The following CSMD3 variants were observed in gnomAD, a reference collection of about 807,000 sequenced individuals.
CSMD3 encodes the protein CUB and sushi domain-containing protein 3.
CSMD3 carries 177 observed loss-of-function variants against 435.2 expected under a neutral mutation model. The observed-to-expected ratio is 0.41, with a 90% CI of 0.36 to 0.46. The LOEUF (loss-of-function observed/expected upper bound fraction) is 0.46. CSMD3 is among the 20% of genes least tolerant of loss of function. The pLI is 0.34. For synonymous variants in CSMD3, 1,656 were observed against 1,520.5 expected, an observed-to-expected ratio of 1.09 and a Z score of -2.07; for missense variants, 4,265 against 4,504.6, an observed-to-expected ratio of 0.95 and a Z score of 1.52.
intron 61 of CSMD3, among the ~76,000 whole-genome samples, chr8:112,262,862 G>C (rs1816557392): frequency 6.6e-6 from 1 of 152,068 alleles, no homozygotes; most frequent in Admixed American, 6.6e-5. Flanking sequence ...TGAATGAGGT[G>C]AGAAAACCCT....
intron 22 of CSMD3, among the ~76,000 whole-genome samples, chr8:112,599,943 G>C (rs374663968): frequency 6.7e-6 from 1 of 148,590 alleles, no homozygotes; most frequent in African/African-American, 2.5e-5. Context: ...TGGGTGCAGC[G>C]CACCAGCATG....
chr8:112,636,132 C>A (rs938145370), intron 22 of CSMD3, among the ~76,000 whole-genome samples: 39 of 152,064 alleles, frequency 2.6e-4, no homozygotes, highest in African/African-American at 8.9e-4. Flanking sequence ...AATGAAAAGC[C>A]TTTTTTCTAC....
At chr8:112,385,181 G>C (rs7016230) in intron 36 of CSMD3, among the ~76,000 whole-genome samples, 123,908 of 152,186 alleles carry the variant, frequency 0.81, 51,017 homozygotes, top group African/African-American at 0.93. Context: ...AATCAAAGAG[G>C]CTAGGTTTGC....
At chr8:112,489,689 T>C (rs1820493595) in intron 31 of CSMD3, among the ~76,000 whole-genome samples, 1 of 152,184 alleles carries the variant, frequency 6.6e-6, no homozygotes, top group Admixed American at 6.6e-5. Flanking sequence ...ACTCAGACTT[T>C]TTTAAAAAAT....
intron 5 of CSMD3, among the ~76,000 whole-genome samples, chr8:113,080,443 A>G (rs966379103): frequency 6.6e-6 from 1 of 152,208 alleles, no homozygotes; most frequent in Non-Finnish European, 1.5e-5. Context: ...GCACTATGCT[A>G]GGCACAGAAA....
intron 32 of CSMD3, among the ~76,000 whole-genome samples, chr8:112,427,871 C>T (rs1174172572): frequency 2.0e-5 from 3 of 152,142 alleles, no homozygotes; most frequent in Non-Finnish European, 2.9e-5. Flanking sequence ...TCTCTAGCCT[C>T]GTAAGTAAAG....
At chr8:112,263,375 T>C (rs1313015835) in intron 61 of CSMD3, among the ~76,000 whole-genome samples, 3 of 152,086 alleles carry the variant, frequency 2.0e-5, no homozygotes, top group Non-Finnish European at 2.9e-5. Context: ...TTTCCAGCAG[T>C]AGAATAAATT....
At position 112,346,192 on chromosome 8, in the gene CSMD3, G is replaced by A. The variant is rs1825651360; in HGVS notation, c.6347C>T (p.Ser2116Leu). The A allele has an allele frequency of 6.2e-7, 1 of 1,611,448 alleles. No homozygotes were observed. Reference protein sequence around the residue: ...ICLAQCGGAMSDFSGVILSPG... With the variant: ...ICLAQCGGAMLDFSGVILSPG... ...ACTGAGGATCACACCACTGAAGTCT[G>A]ACATAGCACCACCACACTGAGCTGC... The change falls in exon 41 of 71, where the codon TCA (serine) becomes TTA (leucine). Residue 2116 changes from serine (S) to leucine (L), a missense_variant. Transcript: ENST00000297405.
intron 8 of CSMD3, among the ~76,000 whole-genome samples, chr8:112,952,425 T>TA (rs1238008465): frequency 6.6e-6 from 1 of 151,656 alleles, no homozygotes; most frequent in Non-Finnish European, 1.5e-5. Flanking sequence ...GAATGTCAGA[T>TA]AAAAACTTTC....
intron 38 of CSMD3, among the ~76,000 whole-genome samples, chr8:112,369,305 G>A (rs58834166): frequency 0.43 from 65,618 of 151,674 alleles, 14,738 homozygotes; most frequent in Middle Eastern, 0.54. Context: ...ATGCTTGAAA[G>A]GAATAAAAAA....
chr8:112,838,452 G>A (rs1479624433), intron 11 of CSMD3, among the ~76,000 whole-genome samples: 7 of 151,708 alleles, frequency 4.6e-5, no homozygotes, highest in Admixed American at 1.3e-4. Context: ...AGGATAACAG[G>A]GCAGGGTTAG....
At chr8:112,991,973 T>C (rs2085473247) in intron 6 of CSMD3, among the ~76,000 whole-genome samples, 1 of 151,834 alleles carries the variant, frequency 6.6e-6, no homozygotes. Context: ...GAAGTTGATA[T>C]TTTAGTGAGC....
intron 3 of CSMD3, among the ~76,000 whole-genome samples, chr8:113,245,936 G>A (rs1167949290): frequency 2.0e-5 from 3 of 151,958 alleles, no homozygotes; most frequent in African/African-American, 7.2e-5. Flanking sequence ...TTTGGAAATG[G>A]CATACCACCA....
At chr8:113,192,632 T>C (rs988523587) in intron 3 of CSMD3, among the ~76,000 whole-genome samples, 1 of 151,682 alleles carries the variant, frequency 6.6e-6, no homozygotes, top group Admixed American at 6.6e-5. Flanking sequence ...TTCTTTAATG[T>C]TACATTTAAA....
intron 23 of CSMD3, among the ~76,000 whole-genome samples, chr8:112,573,865 TG>T (rs1829731318): frequency 6.6e-6 from 1 of 151,964 alleles, no homozygotes; most frequent in Non-Finnish European, 1.5e-5. Context: ...CCAAGCTTAG[TG>T]TACTTTAAGT....
intron 22 of CSMD3, among the ~76,000 whole-genome samples, chr8:112,604,862 G>A (rs1232278306): frequency 6.6e-6 from 1 of 152,092 alleles, no homozygotes; most frequent in Non-Finnish European, 1.5e-5. Flanking sequence ...GACAGAATAT[G>A]AGAAAATATT....
intron 13 of CSMD3, among the ~76,000 whole-genome samples, chr8:112,757,822 G>C (rs1307201708): frequency 6.6e-6 from 1 of 152,074 alleles, no homozygotes; most frequent in Non-Finnish European, 1.5e-5. Context: ...GGGAGGCTGA[G>C]GCAGGAGGAT....
intron 3 of CSMD3, among the ~76,000 whole-genome samples, chr8:113,174,989 T>C (rs565232583): frequency 3.5e-4 from 53 of 151,930 alleles, no homozygotes; most frequent in Admixed American, 1.2e-3. Flanking sequence ...AAGCTGAAAG[T>C]CATGTTGCAA....
intron 5 of CSMD3, among the ~76,000 whole-genome samples, chr8:113,030,689 T>A (rs1389072125): frequency 6.6e-6 from 1 of 151,120 alleles, no homozygotes; most frequent in Non-Finnish European, 1.5e-5. Context: ...AATTAAACAC[T>A]TCTGCTATGA....
Sources: allele counts gnomAD v4.1 joint callset (sites outside exome capture counted in the v4.1 genomes callset), GRCh38; gene constraint gnomAD v4.1.1; transcripts MANE v1.5; gene names NCBI Gene and HGNC (gene_info 2026-07-23, HGNC 2026-07-21).